Variants in ABTB2 observed in about 807,000 individuals in gnomAD.
The protein encoded by ABTB2 is ankyrin repeat and BTB domain containing 2.
ABTB2 carries 56 observed loss-of-function variants against 104.1 expected under a neutral mutation model. The observed-to-expected ratio is 0.54, with a 90% CI of 0.43 to 0.67. ABTB2 has a LOEUF of 0.67. Among genes scored for constraint, ABTB2 ranks in the 30% least tolerant of loss-of-function variants. The pLI is 0.00. For missense variants in ABTB2, 1,279 were observed against 1,407.7 expected, an observed-to-expected ratio of 0.91 and a Z score of 1.46; for synonymous variants, 606 against 608.2, an observed-to-expected ratio of 1.00 and a Z score of 0.05.
intron 1 of ABTB2, among the ~76,000 whole-genome samples, chr11:34,351,886 G>C (rs1474509535): frequency 1.3e-5 from 2 of 152,044 alleles, no homozygotes; most frequent in African/African-American, 4.8e-5. Flanking sequence ...ACTCTACCTT[G>C]TTCCTCTTAC....
intron 16 of ABTB2, among the ~76,000 whole-genome samples, chr11:34,153,155 T>C (rs532419874): frequency 3.9e-4 from 59 of 152,086 alleles, no homozygotes; most frequent in Non-Finnish European, 7.9e-4. Flanking sequence ...GTTGTGAAGA[T>C]GAAGGGCGGG....
At chr11:34,168,695 G>A (rs948291320) in intron 5 of ABTB2, among the ~76,000 whole-genome samples, 19 of 152,352 alleles carry the variant, frequency 1.2e-4, no homozygotes, top group Middle Eastern at 6.8e-3. Context: ...CAAGCTTTGC[G>A]CCGTCCCACG....
At chr11:34,234,965 C>A (rs912889883) in intron 1 of ABTB2, among the ~76,000 whole-genome samples, 3 of 152,208 alleles carry the variant, frequency 2.0e-5, no homozygotes, top group African/African-American at 4.8e-5. Context: ...TCACGCCATT[C>A]TCCTGCCTCA....
chr11:34,339,243 C>T (rs1400330406), intron 1 of ABTB2, among the ~76,000 whole-genome samples: 1 of 152,110 alleles, frequency 6.6e-6, no homozygotes, highest in African/African-American at 2.4e-5. Flanking sequence ...CAGTCTAGAA[C>T]ATCAATTTTT....
intron 3 of ABTB2, among the ~76,000 whole-genome samples, chr11:34,180,244 C>T (rs1853010332): frequency 6.6e-6 from 1 of 152,200 alleles, no homozygotes; most frequent in Admixed American, 6.5e-5. Context: ...ACAAATGCAA[C>T]CACTATGTCG....
chr11:34,214,759 T>G (rs1853529657), intron 1 of ABTB2, among the ~76,000 whole-genome samples: 1 of 152,204 alleles, frequency 6.6e-6, no homozygotes, highest in Non-Finnish European at 1.5e-5. Context: ...TATTTCTGCA[T>G]GGTATACTTT....
chr11:34,347,997 C>T (rs1471678951), intron 1 of ABTB2, among the ~76,000 whole-genome samples: 1 of 152,210 alleles, frequency 6.6e-6, no homozygotes, highest in South Asian at 2.1e-4. Context: ...ATTTGCCAGT[C>T]TTGACCTTCA....
intron 1 of ABTB2, among the ~76,000 whole-genome samples, chr11:34,355,222 C>A (rs1055835053): frequency 4.6e-5 from 7 of 152,028 alleles, no homozygotes; most frequent in African/African-American, 1.4e-4. Flanking sequence ...CTGGGCTAAT[C>A]AAAAAACAAA....
intron 1 of ABTB2, chr11:34,335,323 A>G: frequency 9.4e-7 from 1 of 1,063,274 alleles, no homozygotes; most frequent in Non-Finnish European, 1.5e-6. Flanking sequence ...AAACCAGATG[A>G]TGGGTCAGTA....
rs1275494502 is a variant in ABTB2, at chr11:34,339,240, G to T, written c.883+17461C>A. ...GGTGTGAGAACCTGCACCCAGTCTAGAACATCAATTTTTAAAGTGCTTCAA... is the reference window on the plus strand; with the variant it reads ...GGTGTGAGAACCTGCACCCAGTCTATAACATCAATTTTTAAAGTGCTTCAA... On this transcript the variant is annotated intron_variant, in intron 1 of 16. Transcript: ENST00000435224. Among the ~76,000 whole-genome samples the T allele has an allele frequency of 2.0e-5, 3 of 152,214 alleles. No individual in the cohort carries two copies. In the East Asian group the frequency reaches 5.8e-4, roughly 29 times the overall value.
rs1217951124 is a variant in ABTB2 at position 34,357,132 on chromosome 11, G to A, written c.452C>T (p.Ala151Val). The A allele has an allele frequency of 6.6e-7, 1 of 1,507,056 alleles. No individual in the cohort carries two copies. The highest frequency in any genetic ancestry group is 8.8e-7 in the Non-Finnish European group (1 of 1,134,062). The allele number at this position is 1,507,056 out of a possible 1,614,324, so 93.4% of individuals were successfully genotyped here. Residue 151 changes from alanine to valine, a missense_variant, in exon 1 of 17, where the codon GCC becomes GTC. Transcript: ENST00000435224. The part of the protein sequence containing the change: ...REAQRLSVLH[A>V]KCTRFEVQSA... The stretch of plus-strand genomic sequence containing the variant: ...CTGCACCTCAAAGCGGGTGCACTTG[G>A]CGTGCAGCACGCTCAGGCGCTGCGC...
At chr11:34,216,612 G>T (rs1007115990) in intron 1 of ABTB2, among the ~76,000 whole-genome samples, 1 of 152,048 alleles carries the variant, frequency 6.6e-6, no homozygotes, top group East Asian at 1.9e-4. Context: ...TTAGCCAGGC[G>T]TGGTGGCAGG....
intron 1 of ABTB2, among the ~76,000 whole-genome samples, chr11:34,256,245 C>T (rs1003323652): frequency 6.6e-6 from 1 of 152,180 alleles, no homozygotes; most frequent in African/African-American, 2.4e-5. Flanking sequence ...TAATAAAACA[C>T]AGACAGAAAA....
intron 1 of ABTB2, among the ~76,000 whole-genome samples, chr11:34,312,525 T>C (rs1342971052): frequency 6.6e-6 from 1 of 152,206 alleles, no homozygotes; most frequent in Non-Finnish European, 1.5e-5. Context: ...TTTCTGGCTT[T>C]TGTGCCCAGG....
intron 1 of ABTB2, among the ~76,000 whole-genome samples, chr11:34,240,929 A>T (rs921271298): frequency 6.6e-6 from 1 of 151,564 alleles, no homozygotes; most frequent in African/African-American, 2.4e-5. Flanking sequence ...CTTCTTTTTA[A>T]TTTTTTTTCT....
chr11:34,315,221 C>T (rs1854911626), intron 1 of ABTB2, among the ~76,000 whole-genome samples: 1 of 152,198 alleles, frequency 6.6e-6, no homozygotes, highest in Non-Finnish European at 1.5e-5. Flanking sequence ...GACCCTTGGT[C>T]GAGGAGCCCC....
chr11:34,184,067 T>G (rs1291479301), intron 3 of ABTB2, among the ~76,000 whole-genome samples: 1 of 51,050 alleles, frequency 2.0e-5, no homozygotes, highest in Non-Finnish European at 3.6e-5. Context: ...TTAAAAAGTG[T>G]TTTTTTTTTT....
At chr11:34,159,792 G>T (rs1453111174) in intron 13 of ABTB2, 114 bp downstream of exon 13, 5 of 827,210 alleles carry the variant, frequency 6.0e-6, no homozygotes, top group African/African-American at 3.4e-5. Flanking sequence ...ACTGCAGTCT[G>T]AGGGGCAGAG....
chr11:34,208,463 G>T (rs1048230236), intron 1 of ABTB2, among the ~76,000 whole-genome samples: 2 of 152,180 alleles, frequency 1.3e-5, no homozygotes, highest in African/African-American at 2.4e-5. Context: ...AGTGAATCTC[G>T]GAGTGTGGAG....
Sources: gnomAD v4.1 joint callset for allele counts (sites outside exome capture counted in the v4.1 genomes callset) on GRCh38, gnomAD v4.1.1 for gene constraint, MANE v1.5 for transcripts, NCBI Gene and HGNC (gene_info 2026-07-23, HGNC 2026-07-21) for gene names.